Variants in HSP90AA1 observed in about 807,000 individuals in gnomAD.
The protein encoded by HSP90AA1 is heat shock protein 90 alpha family class A member 1, also known as heat shock protein HSP 90-alpha.
A neutral mutation model predicts 73.3 loss-of-function variants in HSP90AA1; 18 were observed. The ratio of observed to expected loss-of-function variants is 0.25; its 90% CI spans 0.17 to 0.36. The LOEUF (loss-of-function observed/expected upper bound fraction) is 0.36. Ranked by LOEUF, HSP90AA1 falls within the 10% of genes least tolerant of loss-of-function variation. HSP90AA1 has a pLI of 1.00. For synonymous variants in HSP90AA1, 477 were observed against 296.9 expected, an observed-to-expected ratio of 1.61 and a Z score of -6.24; for missense variants, 704 against 874.2, an observed-to-expected ratio of 0.81 and a Z score of 2.45.
chr14:102,102,912 C>T (rs1008618976), intron 1 of HSP90AA1, among the ~76,000 whole-genome samples: 1 of 152,112 alleles, frequency 6.6e-6, no homozygotes, highest in African/African-American at 2.4e-5. Flanking sequence ...GGTGCAGTGA[C>T]TCACACATGT....
Position 102,083,184 on chromosome 14 carries a change from T to C in HSP90AA1, c.1605A>G (p.Glu535=), listed in dbSNP as rs778054456. 1 of 1,614,064 alleles carries C rather than the reference T, an allele frequency of 6.2e-7. No homozygotes were observed. The highest frequency in any genetic ancestry group is 1.7e-5 in the Admixed American group (1 of 60,012). The change falls in exon 9 of 11, where the codon GAA becomes GAG. Residue 535 remains glutamate, a synonymous_variant. Coordinates refer to ENST00000216281, the MANE Select transcript of HSP90AA1 (RefSeq NM_005348.4). The stretch of plus-strand genomic sequence containing the variant: ...CTGACACTAAAGTCTTCCCCTCAAA[T>C]TCCTTCAGCTGTTGGACACAGTACT... The part of the protein sequence containing the change: ...IDEYCVQQLK[E]FEGKTLVSVT...
intron 1 of HSP90AA1, among the ~76,000 whole-genome samples, chr14:102,109,848 G>A (rs779259577): frequency 2.0e-5 from 3 of 152,310 alleles, no homozygotes; most frequent in East Asian, 1.9e-4. Flanking sequence ...CCAAAATGCC[G>A]ATGATGATAT....
intron 1 of HSP90AA1, among the ~76,000 whole-genome samples, chr14:102,113,951 C>T (rs1056996079): frequency 1.3e-5 from 2 of 152,348 alleles, no homozygotes; most frequent in East Asian, 3.9e-4. Flanking sequence ...ACCTCGTGAT[C>T]TGCCCACCTT....
Position 102,087,042 on chromosome 14 carries a change from A to G in HSP90AA1, c.-57T>C, listed in dbSNP as rs2049260994. The stretch of plus-strand genomic sequence containing the variant: ...ACAGCCACACCGGGACGCTGAAGCA[A>G]CTGACGCGCCACCCCCGCGCCTGCC... On this transcript the variant is annotated 5_prime_UTR_variant, in exon 1 of 11. Transcript: ENST00000216281. The G allele has an allele frequency of 1.0e-6, 1 of 985,120 alleles. No homozygotes were observed. Among genetic ancestry groups the G allele is most frequent in the South Asian group, 4.7e-5 (1 of 21,288 alleles). The allele number at this position is 985,120 out of a possible 1,614,324, so 61.0% of individuals were successfully genotyped here. A position where few individuals can be genotyped will look rare whatever the true frequency, so the allele number is the denominator to read the frequency against.
intron 1 of HSP90AA1, among the ~76,000 whole-genome samples, chr14:102,127,553 G>C (rs1220072864): frequency 6.6e-6 from 1 of 152,156 alleles, no homozygotes; most frequent in African/African-American, 2.4e-5. Context: ...CACACATGGA[G>C]TTATATTTAT....
intron 1 of HSP90AA1, among the ~76,000 whole-genome samples, chr14:102,086,695 C>G (rs1476849788): frequency 6.6e-6 from 1 of 150,612 alleles, no homozygotes; most frequent in Non-Finnish European, 1.5e-5. Flanking sequence ...GCGCCCCCAG[C>G]GGGGCCGGGC....
chr14:102,083,813 G>A lies in HSP90AA1; in HGVS notation c.1318C>T (p.Gln440Ter), dbSNP rs754892517. The stretch of plus-strand genomic sequence containing the variant: ...CCAACCTTTATGTTTTTAGAGAACT[G>A]CTCATAGAATTTCTTGTAGTTCTCT... ...DKENYKKFYE[Q>*]FSKNIKLGIH... The change falls in exon 7 of 11, where the codon CAG (glutamine) becomes TAG (stop). Residue 440 changes from glutamine to a stop codon, truncating the protein, a stop_gained. Transcript: ENST00000216281. LOFTEE classifies it high-confidence loss of function. The A allele has an allele frequency of 6.2e-7, 1 of 1,612,032 alleles. No individual in the cohort carries two copies. Among genetic ancestry groups the A allele is most frequent in the Admixed American group, 1.7e-5 (1 of 59,864 alleles).
rs766428674 is a variant in HSP90AA1, at chr14:102,085,445, A to C, written c.530-14T>G. ...CCATAGGTTCACCTGCAAGAGAAGA[A>C]AGAAAAATTGACTTAATACATTCAA... On this transcript the variant is annotated splice_polypyrimidine_tract_variant and intron_variant, in intron 3 of 10. Transcript: ENST00000216281. The C allele has an allele frequency of 2.4e-5, 37 of 1,515,106 alleles. No homozygotes were observed. The highest frequency in any genetic ancestry group is 3.1e-5 in the Non-Finnish European group (35 of 1,135,708). 93.9% of individuals were successfully genotyped at this position (1,515,106 alleles called of 1,614,324 possible).
chr14:102,081,871 T>C (rs1178641263), intron 10 of HSP90AA1, 50 bp from the exon 11 acceptor site: 1 of 917,282 alleles, frequency 1.1e-6, no homozygotes, highest in Non-Finnish European at 1.8e-6. Context: ...TAAAGCCAGC[T>C]ATTAGGGTAA....
intron 2 of HSP90AA1, among the ~76,000 whole-genome samples, chr14:102,099,118 T>C (rs1182022294): frequency 6.6e-6 from 1 of 152,252 alleles, no homozygotes; most frequent in Non-Finnish European, 1.5e-5. Context: ...GCTAAGTTCA[T>C]ACTTCGAGTG....
chr14:102,134,757 A>C (rs2049960605), intron 1 of HSP90AA1, among the ~76,000 whole-genome samples: 1 of 152,132 alleles, frequency 6.6e-6, no homozygotes, highest in Non-Finnish European at 1.5e-5. Flanking sequence ...TGTGGACCCA[A>C]AGAGTGAGCA....
chr14:102,102,140 G>A, intron 1 of HSP90AA1: 1 of 1,490,490 alleles, frequency 6.7e-7, no homozygotes, highest in Non-Finnish European at 9.3e-7. Context: ...ACAGAGATAG[G>A]GCGGCAGAGG....
At chr14:102,083,383 G>A in intron 8 of HSP90AA1, 81 bp from the exon 9 acceptor site, 1 of 1,515,772 alleles carries the variant, frequency 6.6e-7, no homozygotes, top group Non-Finnish European at 9.2e-7. Flanking sequence ...TTGCTAGCCA[G>A]ATACCTAGGC....
At chr14:102,113,576 G>A (rs1359504470) in intron 1 of HSP90AA1, among the ~76,000 whole-genome samples, 1 of 150,256 alleles carries the variant, frequency 6.7e-6, no homozygotes, top group Non-Finnish European at 1.5e-5. Context: ...AGTGGAGACG[G>A]GATTTCACCA....
chr14:102,087,838 C>T (rs1206950816), upstream of HSP90AA1, among the ~76,000 whole-genome samples: 1 of 151,940 alleles, frequency 6.6e-6, no homozygotes, highest in South Asian at 2.1e-4. Flanking sequence ...CAGCTACACC[C>T]GGCATGATTT....
rs77811267 is a variant in HSP90AA1, at chr14:102,093,532, G to A, written c.367-7154C>T. 4.6e-5 allele frequency among the ~76,000 whole-genome samples: 7 copies of A among 151,544 alleles called. No individual in the cohort carries two copies. The East Asian group carries it at 9.7e-4, about 21-fold the overall frequency. On this transcript the variant is annotated intron_variant, in intron 2 of 11. Transcript: ENST00000334701. ...GTCATTTCTTGGAGACACAGTTTCC[G>A]AGAAAGATGGCATCAGTTAAAGCAC...
upstream of HSP90AA1, among the ~76,000 whole-genome samples, chr14:102,091,430 C>G (rs1469241780): frequency 6.6e-6 from 1 of 151,920 alleles, no homozygotes; most frequent in African/African-American, 2.4e-5. Context: ...TGTGACCAGC[C>G]TGGACAACAT....
exon 1 of HSP90AA1, chr14:102,139,585 G>C (rs1021796174): frequency 5.7e-6 from 4 of 703,718 alleles, no homozygotes; most frequent in Non-Finnish European, 9.2e-6. Flanking sequence ...CCCCCTGACC[G>C]GCTTTCCGCT....
At chr14:102,105,625 T>C (rs376979142) in intron 1 of HSP90AA1, among the ~76,000 whole-genome samples, 1 of 152,200 alleles carries the variant, frequency 6.6e-6, no homozygotes, top group Non-Finnish European at 1.5e-5. Context: ...AGACAGGGCC[T>C]GCATCTGCAA....
Sources: gnomAD v4.1 joint callset for allele counts (sites outside exome capture counted in the v4.1 genomes callset) on GRCh38, gnomAD v4.1.1 for gene constraint, MANE v1.5 for transcripts, NCBI Gene and HGNC (gene_info 2026-07-23, HGNC 2026-07-21) for gene names.